The following LRP8 variants were observed in gnomAD, a reference collection of about 807,000 sequenced individuals.
The protein encoded by LRP8 is low-density lipoprotein receptor-related protein 8.
In LRP8, 46 loss-of-function variants were observed where a neutral mutation model predicts 111.6. The observed-to-expected ratio is 0.41, with a 90% CI of 0.33 to 0.53. LRP8 has a LOEUF of 0.53. LRP8 is among the 20% of genes least tolerant of loss of function. The pLI is 0.20. For missense variants in LRP8, 959 were observed against 1,297.4 expected, an observed-to-expected ratio of 0.74 and a Z score of 4.01; for synonymous variants, 464 against 511.2, an observed-to-expected ratio of 0.91 and a Z score of 1.24.
chr1:53,276,641 T>C (rs1051694149), intron 5 of LRP8, 51 bp downstream of exon 5: 10 of 1,392,496 alleles, frequency 7.2e-6, no homozygotes, highest in African/African-American at 1.5e-5. Context: ...CCGGATCGGA[T>C]AGCGGATCCG....
In LRP8 at chr1:53,262,689, C is replaced by G. The variant is rs1646389847; in HGVS notation, c.1656-125G>C. On this transcript the variant is annotated intron_variant, in intron 10 of 18. Coordinates refer to ENST00000306052, the MANE Select transcript of LRP8 (RefSeq NM_004631.5). The surrounding 1 kb of genome is among the most constrained non-coding windows in gnomAD (Gnocchi z 4.8). Reference sequence around the variant, plus strand: ...TGTTTAGTAGGGACTGAGAAGACCTCTAAAGTTCTTTTGAACCATCAAATC... The same window carrying G: ...TGTTTAGTAGGGACTGAGAAGACCTGTAAAGTTCTTTTGAACCATCAAATC... The G allele has an allele frequency of 2.7e-6, 2 of 739,550 alleles. No individual in the cohort carries two copies. The highest frequency in any genetic ancestry group is 4.7e-6 in the Non-Finnish European group (2 of 422,490). The allele number at this position is 739,550 out of a possible 1,614,324, so 45.8% of individuals were successfully genotyped here.
intron 3 of LRP8, among the ~76,000 whole-genome samples, chr1:53,282,799 A>G (rs902161783): frequency 2.0e-5 from 3 of 152,162 alleles, no homozygotes; most frequent in Non-Finnish European, 4.4e-5. Context: ...AGCATAGAAG[A>G]CAAGGGATGT....
intron 3 of LRP8, among the ~76,000 whole-genome samples, chr1:53,287,588 G>GC (rs1647762517): frequency 6.6e-6 from 1 of 152,186 alleles, no homozygotes; most frequent in Non-Finnish European, 1.5e-5. Flanking sequence ...TCCCATAGAC[G>GC]CCTTATGAAA....
intron 8 of LRP8, chr1:53,268,597 T>C (rs1242971566): frequency 6.6e-6 from 1 of 152,214 alleles, no homozygotes; most frequent in Non-Finnish European, 1.5e-5. Context: ...TGTATTTAAC[T>C]TGCATATGAA....
chr1:53,306,783 G>A (rs765973605), intron 2 of LRP8, among the ~76,000 whole-genome samples: 4 of 152,216 alleles, frequency 2.6e-5, no homozygotes, highest in Non-Finnish European at 4.4e-5. Context: ...TGGGACACAT[G>A]AACTTGGGCC....
intron 2 of LRP8, among the ~76,000 whole-genome samples, chr1:53,297,442 C>G (rs1326407842): frequency 1.3e-5 from 2 of 152,196 alleles, no homozygotes; most frequent in African/African-American, 2.4e-5. Context: ...GGAGCCAGCA[C>G]CCGCGTGTGG....
In LRP8 at chr1:53,291,765, C is replaced by T. The variant is rs117490741; in HGVS notation, c.245-2076G>A. ...ACTATGGGGCAGAAGCAGTCAGAGA[C>T]ATTAGATAAATGAGTGAGCATGGTT... On this transcript the variant is annotated intron_variant, in intron 2 of 18. Coordinates refer to ENST00000306052, the MANE Select transcript of LRP8 (RefSeq NM_004631.5). 26 of 152,334 alleles carry T rather than the reference C, an allele frequency of 1.7e-4. No homozygotes were observed. The East Asian group carries it at 4.8e-3, about 28-fold the overall frequency. The allele number at this position is 152,334 out of a possible 1,614,324, so 9.4% of individuals were successfully genotyped here.
intron 2 of LRP8, among the ~76,000 whole-genome samples, chr1:53,301,464 G>GT (rs1264767407): frequency 6.6e-6 from 1 of 152,238 alleles, no homozygotes; most frequent in Non-Finnish European, 1.5e-5. Flanking sequence ...GCGCACGCCT[G>GT]TAATGCCAGA....
chr1:53,306,639 G>A (rs1652023015), intron 2 of LRP8, among the ~76,000 whole-genome samples: 1 of 152,170 alleles, frequency 6.6e-6, no homozygotes, highest in Admixed American at 6.5e-5. Context: ...TGAGCCATGT[G>A]TCTGGGGCTG....
intron 2 of LRP8, among the ~76,000 whole-genome samples, chr1:53,320,685 G>A (rs777793525): frequency 2.0e-5 from 3 of 152,192 alleles, no homozygotes; most frequent in Non-Finnish European, 4.4e-5. Context: ...AGCTGGAAAA[G>A]GCCTATGTGA....
chr1:53,289,475 T>C, intron 3 of LRP8, 92 bp downstream of exon 3: 2 of 1,483,170 alleles, frequency 1.3e-6, no homozygotes, highest in Non-Finnish European at 1.8e-6. Context: ...AATGTTCAAC[T>C]GGTTACCTCT....
At chr1:53,319,739 G>A (rs1279599283) in intron 2 of LRP8, among the ~76,000 whole-genome samples, 1 of 152,246 alleles carries the variant, frequency 6.6e-6, no homozygotes, top group East Asian at 1.9e-4. Context: ...AGGAGCTGGG[G>A]TGAGCAGGGC....
intron 3 of LRP8, among the ~76,000 whole-genome samples, chr1:53,281,609 C>T (rs1647112480): frequency 6.6e-6 from 1 of 152,200 alleles, no homozygotes; most frequent in Non-Finnish European, 1.5e-5. Flanking sequence ...GGATTATGTG[C>T]TGGCCTCCAG....
chr1:53,275,896 G>A lies in LRP8; in HGVS notation c.884-143C>T. 1 of 1,009,168 alleles carries A rather than the reference G, an allele frequency of 9.9e-7. No homozygotes were observed. The allele number at this position is 1,009,168 out of a possible 1,614,324, so 62.5% of individuals were successfully genotyped here. ...CTCAGGAGTCCTCAAAGGACACCTG[G>A]CCAAGGCACCTCAGTGTACAGATGG... On this transcript the variant is annotated intron_variant, in intron 5 of 18. Coordinates refer to ENST00000306052, the MANE Select transcript of LRP8 (RefSeq NM_004631.5). This position sits in a 1 kb window ranked among gnomAD's most constrained non-coding sequence, Gnocchi z 4.4.
At chr1:53,316,129 A>G (rs1260713684) in intron 2 of LRP8, among the ~76,000 whole-genome samples, 3 of 152,196 alleles carry the variant, frequency 2.0e-5, no homozygotes. Flanking sequence ...TAGGCCAGGA[A>G]TTATTTATTA....
At chr1:53,298,239 CCT>C (rs1650119022) in intron 2 of LRP8, among the ~76,000 whole-genome samples, 1 of 152,326 alleles carries the variant, frequency 6.6e-6, no homozygotes, top group East Asian at 1.9e-4. Context: ...TGTAGGCCTC[CCT>C]GTCACCACAG....
chr1:53,249,638 G>A lies in LRP8; in HGVS notation c.2677-82C>T, dbSNP rs940598401. The A allele has an allele frequency of 2.7e-6, 4 of 1,456,342 alleles. No individual in the cohort carries two copies. Among genetic ancestry groups the A allele is most frequent in the Non-Finnish European group, 3.6e-6 (4 of 1,104,104 alleles). 90.2% of individuals were successfully genotyped at this position (1,456,342 alleles called of 1,614,324 possible). A position where few individuals can be genotyped will look rare whatever the true frequency, so the allele number is the denominator to read the frequency against. ...GTGCTGTATAACAGTGACACCTGCT[G>A]TGCCACTTTGTGGTCCTCATTCCCC... On this transcript the variant is annotated intron_variant, in intron 17 of 18. Coordinates refer to ENST00000306052, the MANE Select transcript of LRP8 (RefSeq NM_004631.5). The surrounding 1 kb of genome is among the most constrained non-coding windows in gnomAD (Gnocchi z 4.1).
intron 2 of LRP8, among the ~76,000 whole-genome samples, chr1:53,319,751 G>A (rs1021324458): frequency 6.6e-6 from 1 of 152,254 alleles, no homozygotes; most frequent in Non-Finnish European, 1.5e-5. Flanking sequence ...GAGCAGGGCT[G>A]ATAATTAAAA....
Position 53,250,553 on chromosome 1 carries a change from AGGAAAGGAGGGAG to A in LRP8, c.2676+124_2676+136del. 2.9e-6 allele frequency: 2 copies of A among 695,356 alleles called. No individual in the cohort carries two copies. Among genetic ancestry groups the A allele is most frequent in the Non-Finnish European group, 4.8e-6 (2 of 414,324 alleles). The allele number at this position is 695,356 out of a possible 1,614,324, so 43.1% of individuals were successfully genotyped here. A position where few individuals can be genotyped will look rare whatever the true frequency, so the allele number is the denominator to read the frequency against. On this transcript the variant is annotated intron_variant, in intron 17 of 18. Coordinates refer to ENST00000306052, the MANE Select transcript of LRP8 (RefSeq NM_004631.5). The surrounding 1 kb of genome is among the most constrained non-coding windows in gnomAD (Gnocchi z 4.6). ...AGACAGGGAGGGAGGGAAGGACGGA[AGGAAAGGAGGGAG>A]GGAAGGACGGAAGGAAGGAAGGGAG... is the stretch of plus-strand genomic sequence containing the variant.
Sources: gnomAD v4.1 joint callset for allele counts (sites outside exome capture counted in the v4.1 genomes callset) on GRCh38, gnomAD v4.1.1 for gene constraint, Gnocchi (gnomAD v3.1) non-coding constraint, MANE v1.5 for transcripts, NCBI Gene and HGNC (gene_info 2026-07-23, HGNC 2026-07-21) for gene names.